The following ABHD6 variants were observed in gnomAD, a reference collection of about 807,000 sequenced individuals.
ABHD6 encodes abhydrolase domain containing 6, acylglycerol lipase.
ABHD6 carries 33 observed loss-of-function variants against 38.8 expected under a neutral mutation model. That is an observed-to-expected ratio of 0.85 (90% confidence interval 0.64 to 1.14). The LOEUF (loss-of-function observed/expected upper bound fraction) is 1.14. Ranked by LOEUF, ABHD6 falls within the 50% of genes most tolerant of loss-of-function variation. The pLI is 0.00. For missense variants in ABHD6, 380 were observed against 422.6 expected (o/e 0.90, Z 0.88); for synonymous variants, 147 against 161.6 (o/e 0.91, Z 0.69).
Position 58,273,202 on chromosome 3 carries a change from C to T in ABHD6, c.524-1456C>T, listed in dbSNP as rs997587149. ...GTTTGCTGGACATAGATTTGCAAAGCGTGGGTTTCTGCATCACGACCAATA... is the reference window on the plus strand; with the variant it reads ...GTTTGCTGGACATAGATTTGCAAAGTGTGGGTTTCTGCATCACGACCAATA... On this transcript the variant is annotated intron_variant, in intron 6 of 9. Transcript: ENST00000478253. The surrounding 1 kb of genome is among the most constrained non-coding windows in gnomAD (Gnocchi z 4.8). Among the ~76,000 whole-genome samples, 3 of 152,024 alleles carry T rather than the reference C, an allele frequency of 2.0e-5. No homozygotes were observed. The highest frequency in any genetic ancestry group is 4.8e-5 in the African/African-American group (2 of 41,394).
chr3:58,279,258 G>A (rs2097451099), intron 7 of ABHD6, among the ~76,000 whole-genome samples: 1 of 152,184 alleles, frequency 6.6e-6, no homozygotes, highest in Admixed American at 6.5e-5. Context: ...AGGTCTCTAA[G>A]AGCTTGCTTT....
At chr3:58,253,693 C>T (rs989114274) in intron 2 of ABHD6, among the ~76,000 whole-genome samples, 3 of 152,192 alleles carry the variant, frequency 2.0e-5, no homozygotes, top group South Asian at 2.1e-4. Flanking sequence ...TGAGGAAGAA[C>T]ATACATGATT....
Position 58,285,219 on chromosome 3 carries a change from G to C in ABHD6, c.736+80G>C. On this transcript the variant is annotated intron_variant, in intron 8 of 9. Coordinates refer to ENST00000478253, the MANE Select transcript of ABHD6 (RefSeq NM_001320126.2). The surrounding 1 kb of genome is among the most constrained non-coding windows in gnomAD (Gnocchi z 4.9). ...GATGGCTTTTATTTCTTAAATCTCT[G>C]ACACTTTGAATGTCTCTTTGGGCCC... 6.4e-7 allele frequency: 1 copy of C among 1,555,180 alleles called. No homozygotes were observed. Among genetic ancestry groups the C allele is most frequent in the South Asian group, 1.1e-5 (1 of 89,772 alleles).
At chr3:58,252,265 C>G (rs2097430549) in intron 2 of ABHD6, among the ~76,000 whole-genome samples, 1 of 135,704 alleles carries the variant, frequency 7.4e-6, no homozygotes, top group South Asian at 2.3e-4. Flanking sequence ...AACAGTCTCC[C>G]TCTGTCGCCT....
intron 9 of ABHD6, among the ~76,000 whole-genome samples, chr3:58,286,699 GTATA>G (rs1364925784): frequency 6.6e-6 from 1 of 151,074 alleles, no homozygotes; most frequent in African/African-American, 2.4e-5. Context: ...CACGTATAGT[GTATA>G]TATATGCATA....
At chr3:58,242,427 C>T (rs1038016715) in intron 1 of ABHD6, among the ~76,000 whole-genome samples, 1 of 152,194 alleles carries the variant, frequency 6.6e-6, no homozygotes. Context: ...ATGTTTCTTT[C>T]ATTTGTGGCC....
At chr3:58,281,251 C>T (rs1463108952) in intron 7 of ABHD6, among the ~76,000 whole-genome samples, 1 of 152,202 alleles carries the variant, frequency 6.6e-6, no homozygotes, top group South Asian at 2.1e-4. Flanking sequence ...TGGGCTTTGC[C>T]GAGTTCGAGC....
chr3:58,282,818 C>T (rs1219033010), intron 7 of ABHD6, among the ~76,000 whole-genome samples: 1 of 152,154 alleles, frequency 6.6e-6, no homozygotes, highest in Non-Finnish European at 1.5e-5. Context: ...GCCAAGGACT[C>T]CATTTTTCAT....
In ABHD6 at chr3:58,285,508, A is replaced by G; in HGVS notation, c.837+55A>G. The G allele has an allele frequency of 6.8e-7, 1 of 1,462,090 alleles. No homozygotes were observed. Among genetic ancestry groups the G allele is most frequent in the Admixed American group, 1.7e-5 (1 of 59,588 alleles). The allele number at this position is 1,462,090 out of a possible 1,614,324, so 90.6% of individuals were successfully genotyped here. Reference sequence around the variant, plus strand: ...GCTGGTCACCAGGGCCTCTGAGGAAAAACGTCCTTGAGGAAGAACAAGTGG... The same window carrying G: ...GCTGGTCACCAGGGCCTCTGAGGAAGAACGTCCTTGAGGAAGAACAAGTGG... On this transcript the variant is annotated intron_variant, in intron 9 of 9. Coordinates refer to ENST00000478253, the MANE Select transcript of ABHD6 (RefSeq NM_001320126.2). The surrounding 1 kb of genome is among the most constrained non-coding windows in gnomAD (Gnocchi z 4.9).
At chr3:58,274,536 T>C (rs2097447358) in intron 6 of ABHD6, 122 bp from the exon 7 acceptor site, 5 of 1,034,496 alleles carry the variant, frequency 4.8e-6, no homozygotes, top group Middle Eastern at 2.2e-4. Flanking sequence ...AAAAAAGAAA[T>C]CTACTCATGA....
intron 1 of ABHD6, among the ~76,000 whole-genome samples, chr3:58,249,395 T>C (rs968678842): frequency 1.3e-5 from 2 of 152,210 alleles, no homozygotes; most frequent in African/African-American, 4.8e-5. Flanking sequence ...CTGAGCAGTT[T>C]GTAGCGCCTC....
chr3:58,241,974 G>A (rs2097423123), intron 1 of ABHD6, among the ~76,000 whole-genome samples: 1 of 152,254 alleles, frequency 6.6e-6, no homozygotes, highest in Non-Finnish European at 1.5e-5. Context: ...TGGCAGAGCA[G>A]AGATTTGAAC....
intron 1 of ABHD6, among the ~76,000 whole-genome samples, chr3:58,243,111 C>T (rs2097424002): frequency 6.6e-6 from 1 of 152,154 alleles, no homozygotes; most frequent in Non-Finnish European, 1.5e-5. Context: ...TTTCTTAATC[C>T]AGTCTATCAT....
At chr3:58,292,402 G>A (rs1223856498) in intron 9 of ABHD6, among the ~76,000 whole-genome samples, 2 of 152,214 alleles carry the variant, frequency 1.3e-5, no homozygotes, top group African/African-American at 4.8e-5. Context: ...TAAGAGAAGG[G>A]GAGTGAATGC....
rs1344681126 is a variant in ABHD6 at position 58,285,062 on chromosome 3, A to G, written c.682-23A>G. 1.9e-6 allele frequency: 3 copies of G among 1,611,670 alleles called. No homozygotes were observed. The highest frequency in any genetic ancestry group is 1.3e-5 in the African/African-American group (1 of 74,940). ...GGAAATGAATCTTCTCTTGCTCTCT[A>G]ACTTTGGGTTATTTATCCTTAGATC... On this transcript the variant is annotated intron_variant, in intron 7 of 9. Transcript: ENST00000478253. The surrounding 1 kb of genome is among the most constrained non-coding windows in gnomAD (Gnocchi z 4.9).
intron 1 of ABHD6, among the ~76,000 whole-genome samples, chr3:58,239,164 T>A (rs2097421142): frequency 6.6e-6 from 1 of 151,746 alleles, no homozygotes; most frequent in Non-Finnish European, 1.5e-5. Context: ...TTTACCCAAT[T>A]TCAACAAATT....
intron 6 of ABHD6, among the ~76,000 whole-genome samples, chr3:58,271,766 G>GT (rs3038091): frequency 0.063 from 3,977 of 63,394 alleles, 665 homozygotes; most frequent in Non-Finnish European, 0.073. Context: ...CCCTCTCTCT[G>GT]TTTTTTTTTT....
chr3:58,256,750 T>C lies in ABHD6; in HGVS notation c.119+45T>C, dbSNP rs755442058. ...GATGTTTTCAAGAGTATCATAATAT[T>C]GACATCTTCTCTGCTTGTCCTTTTT... On this transcript the variant is annotated intron_variant, in intron 3 of 9. Coordinates refer to ENST00000478253, the MANE Select transcript of ABHD6 (RefSeq NM_001320126.2). This position sits in a 1 kb window ranked among gnomAD's most constrained non-coding sequence, Gnocchi z 4.3. The C allele has an allele frequency of 1.3e-5, 18 of 1,400,140 alleles. No homozygotes were observed. In the South Asian group the frequency reaches 2.1e-4, roughly 17 times the overall value. The allele number at this position is 1,400,140 out of a possible 1,614,324, so 86.7% of individuals were successfully genotyped here.
chr3:58,290,499 GCGGC>G (rs1559785993), intron 9 of ABHD6, among the ~76,000 whole-genome samples: 51 of 134,864 alleles, frequency 3.8e-4, no homozygotes, highest in East Asian at 1.0e-3. Context: ...CCCGGACGGG[GCGGC>G]TGGCCTGGCA....
Sources: gnomAD v4.1 joint callset for allele counts (sites outside exome capture counted in the v4.1 genomes callset) on GRCh38, gnomAD v4.1.1 for gene constraint, Gnocchi (gnomAD v3.1) non-coding constraint, MANE v1.5 for transcripts, NCBI Gene and HGNC (gene_info 2026-07-23, HGNC 2026-07-21) for gene names.